The following MMP26 variants were observed in gnomAD, a reference collection of about 807,000 sequenced individuals.
MMP26 encodes the protein matrix metalloproteinase-26.
A neutral mutation model predicts 31.0 loss-of-function variants in MMP26; 33 were observed. The ratio of observed to expected loss-of-function variants is 1.06; its 90% CI spans 0.81 to 1.42. The LOEUF (loss-of-function observed/expected upper bound fraction) is 1.42. Among genes scored for constraint, MMP26 ranks in the 40% most tolerant of loss-of-function variants. MMP26 has a pLI of 0.00. For missense variants in MMP26, 347 were observed against 316.1 expected (o/e 1.10, Z -0.74); for synonymous variants, 122 against 114.9 (o/e 1.06, Z -0.40).
intron 6 of MMP26, 98 bp from the exon 7 acceptor site, chr11:4,991,866 G>T: frequency 8.6e-7 from 1 of 1,168,726 alleles, no homozygotes; most frequent in Non-Finnish European, 1.2e-6. Flanking sequence ...CCCTTTCCTC[G>T]TTTTCTGTTC....
intron 2 of MMP26, chr11:4,769,659 G>A (rs1446623120): frequency 3.7e-6 from 6 of 1,612,878 alleles, no homozygotes; most frequent in South Asian, 3.3e-5. Flanking sequence ...TCAAACCAGA[G>A]GATACCTAAT....
chr11:4,801,685 G>A (rs918754278), intron 2 of MMP26, among the ~76,000 whole-genome samples: 1 of 151,984 alleles, frequency 6.6e-6, no homozygotes, highest in Non-Finnish European at 1.5e-5. Flanking sequence ...TGGGACTAGA[G>A]GCGTGCACCA....
intron 2 of MMP26, chr11:4,923,395 A>C: frequency 6.4e-7 from 1 of 1,562,424 alleles, no homozygotes; most frequent in Non-Finnish European, 8.7e-7. Context: ...AAAAACACCT[A>C]AGTGACTTTA....
intron 1 of MMP26, among the ~76,000 whole-genome samples, chr11:4,746,642 G>T (rs112604002): frequency 0.047 from 7,216 of 151,994 alleles, 532 homozygotes; most frequent in African/African-American, 0.17. Context: ...GAGACCAGCC[G>T]GGCCAACAAG....
At chr11:4,917,492 G>A (rs1412388659) in intron 2 of MMP26, among the ~76,000 whole-genome samples, 1 of 152,152 alleles carries the variant, frequency 6.6e-6, no homozygotes, top group African/African-American at 2.4e-5. Flanking sequence ...TAAATAAACT[G>A]ATTGGAGAAA....
At chr11:4,856,015 C>A (rs995750533) in intron 2 of MMP26, among the ~76,000 whole-genome samples, 1 of 152,262 alleles carries the variant, frequency 6.6e-6, no homozygotes, top group East Asian at 1.9e-4. Flanking sequence ...TACAGACAAG[C>A]AAATGCTGAG....
chr11:4,716,836 T>C (rs1847938686), intron 1 of MMP26, among the ~76,000 whole-genome samples: 1 of 151,866 alleles, frequency 6.6e-6, no homozygotes, highest in Non-Finnish European at 1.5e-5. Context: ...TAATGTTTTG[T>C]ATTTTTAGTA....
At position 4,923,865 on chromosome 11, in the gene MMP26, G is replaced by T. The variant is rs528885707; in HGVS notation, c.-144-64203G>T. ...CGCTTCAGGAGGAATGGCAAGGGGAGGATGAGGAGAGCACTTCTAAGCACT... is the reference window on the plus strand; with the variant it reads ...CGCTTCAGGAGGAATGGCAAGGGGATGATGAGGAGAGCACTTCTAAGCACT... On this transcript the variant is annotated intron_variant, in intron 2 of 7. Transcript: ENST00000380390. The T allele has an allele frequency of 5.9e-5, 96 of 1,614,022 alleles. 1 individual carries two copies. In the South Asian group the frequency reaches 8.0e-4, roughly 13 times the overall value.
At chr11:4,987,141 C>T (rs1358757595) in intron 2 of MMP26, among the ~76,000 whole-genome samples, 1 of 151,836 alleles carries the variant, frequency 6.6e-6, no homozygotes, top group Non-Finnish European at 1.5e-5. Context: ...CTCAGCCTCC[C>T]AAAGTGCTGG....
chr11:4,809,083 G>A (rs1849316069), intron 2 of MMP26, among the ~76,000 whole-genome samples: 1 of 151,794 alleles, frequency 6.6e-6, no homozygotes, highest in Non-Finnish European at 1.5e-5. Flanking sequence ...GTTGAGAAAT[G>A]GAATGTACAT....
intron 2 of MMP26, among the ~76,000 whole-genome samples, chr11:4,923,039 G>T (rs1296393030): frequency 1.3e-5 from 2 of 152,162 alleles, no homozygotes; most frequent in Non-Finnish European, 2.9e-5. Flanking sequence ...TGAAACTTTT[G>T]TACTGTTTTA....
intron 1 of MMP26, among the ~76,000 whole-genome samples, chr11:4,732,154 T>A (rs186291523): frequency 1.8e-4 from 27 of 152,324 alleles, no homozygotes; most frequent in Admixed American, 1.3e-3. Flanking sequence ...AACCATCCCA[T>A]TGAATTGCTT....
At chr11:4,774,887 C>T (rs1323758864) in intron 2 of MMP26, among the ~76,000 whole-genome samples, 1 of 152,050 alleles carries the variant, frequency 6.6e-6, no homozygotes, top group Non-Finnish European at 1.5e-5. Flanking sequence ...AATAGGGGTT[C>T]CTTTTCCCAT....
intron 1 of MMP26, among the ~76,000 whole-genome samples, chr11:4,767,030 G>A (rs192024730): frequency 6.6e-6 from 1 of 152,090 alleles, no homozygotes; most frequent in Non-Finnish European, 1.5e-5. Context: ...AAACTAAATC[G>A]ATAAACAAAT....
chr11:4,766,714 TC>T (rs1848635419), intron 1 of MMP26, among the ~76,000 whole-genome samples: 2 of 37,588 alleles, frequency 5.3e-5, no homozygotes, highest in Non-Finnish European at 1.1e-4. Flanking sequence ...CCTCCCTCCC[TC>T]CCTTCCTTCC....
rs77762264 is a variant in MMP26, at chr11:4,848,652, T to C, written c.-145+81311T>C. 265 of 1,613,148 alleles carry C rather than the reference T, an allele frequency of 1.6e-4. 4 individuals are homozygous for C. In the East Asian group the frequency reaches 4.9e-3, roughly 30 times the overall value. The stretch of plus-strand genomic sequence containing the variant: ...ACGAGCCACATCTGGATGCAAGCAA[T>C]AAGAATGGGTTAGGACCTGTGGGAG... On this transcript the variant is annotated intron_variant, in intron 2 of 7. Coordinates refer to ENST00000380390, the MANE Select transcript of MMP26 (RefSeq NM_021801.5).
At chr11:4,833,401 A>G (rs556880972) in intron 2 of MMP26, among the ~76,000 whole-genome samples, 2 of 152,342 alleles carry the variant, frequency 1.3e-5, no homozygotes, top group South Asian at 4.1e-4. Flanking sequence ...GTAGCCCTTA[A>G]CTGTGGCTGG....
At chr11:4,964,611 G>A (rs890993988) in intron 2 of MMP26, among the ~76,000 whole-genome samples, 6 of 151,968 alleles carry the variant, frequency 3.9e-5, no homozygotes, top group African/African-American at 7.3e-5. Context: ...ATAAATATAC[G>A]TGCACACATA....
At chr11:4,912,215 T>A (rs889161111) in intron 2 of MMP26, among the ~76,000 whole-genome samples, 10 of 152,194 alleles carry the variant, frequency 6.6e-5, no homozygotes, top group Non-Finnish European at 1.5e-4. Context: ...GACAGCCTTG[T>A]GGGGTAGACA....
Sources: gnomAD v4.1 joint callset for allele counts (sites outside exome capture counted in the v4.1 genomes callset) on GRCh38, gnomAD v4.1.1 for gene constraint, MANE v1.5 for transcripts, NCBI Gene and HGNC (gene_info 2026-07-23, HGNC 2026-07-21) for gene names.